The following AP3S1 variants were observed in gnomAD, a reference collection of about 807,000 sequenced individuals.
AP3S1 encodes AP-3 complex subunit sigma-1.
A neutral mutation model predicts 21.3 loss-of-function variants in AP3S1; 12 were observed. The ratio of observed to expected loss-of-function variants is 0.56; its 90% CI spans 0.36 to 0.91. The LOEUF is 0.91. Ranked by LOEUF, AP3S1 falls within the 40% of genes least tolerant of loss-of-function variation. AP3S1 has a pLI of 0.01. For synonymous variants in AP3S1, 48 were observed against 78.4 expected (o/e 0.61, Z 2.05); for missense variants, 116 against 225.0 (o/e 0.52, Z 3.10).
intron 3 of AP3S1, among the ~76,000 whole-genome samples, chr5:115,885,751 T>C (rs942774726): frequency 6.6e-6 from 1 of 152,230 alleles, no homozygotes; most frequent in African/African-American, 2.4e-5. Flanking sequence ...ATCACCGTGT[T>C]GAATACTTTT....
intron 4 of AP3S1, among the ~76,000 whole-genome samples, chr5:115,898,228 G>T (rs527644178): frequency 1.3e-5 from 2 of 152,304 alleles, no homozygotes; most frequent in South Asian, 4.1e-4. Flanking sequence ...ATTGTACCAA[G>T]TATTTTGCCA....
rs1749686546 is a variant in AP3S1 at position 115,885,334 on chromosome 5, A to C, written c.274-9753A>C. ...CAGTAGTGGCTCAGTCCGAGTCCAAAAGCCTCAAAAACAGGGAAGCCAACA... is the reference window on the plus strand; with the variant it reads ...CAGTAGTGGCTCAGTCCGAGTCCAACAGCCTCAAAAACAGGGAAGCCAACA... On this transcript the variant is annotated intron_variant, in intron 3 of 5. Transcript: ENST00000316788. Among the ~76,000 whole-genome samples the C allele has an allele frequency of 2.0e-5, 3 of 152,284 alleles. No individual in the cohort carries two copies. In the South Asian group the frequency reaches 6.2e-4, roughly 32 times the overall value.
At chr5:115,907,093 G>A in intron 5 of AP3S1, 13 of 791,830 alleles carry the variant, frequency 1.6e-5, no homozygotes, top group Non-Finnish European at 2.0e-5. Flanking sequence ...TTGTCTGCCT[G>A]CATTGTAAAA....
intron 1 of AP3S1, among the ~76,000 whole-genome samples, chr5:115,863,628 G>A (rs1477027204): frequency 6.6e-6 from 1 of 152,130 alleles, no homozygotes. Flanking sequence ...ATGCCAGTGT[G>A]TGAGAAAACT....
intron 1 of AP3S1, among the ~76,000 whole-genome samples, chr5:115,857,839 T>G (rs1367341519): frequency 6.6e-6 from 1 of 152,238 alleles, no homozygotes; most frequent in East Asian, 1.9e-4. Context: ...TTACGTTAAT[T>G]TATTATGTAA....
In AP3S1 at chr5:115,902,927, T is replaced by C. The variant is rs762820704; in HGVS notation, c.388T>C (p.Leu130=). 1.4e-5 allele frequency: 23 copies of C among 1,613,592 alleles called. No homozygotes were observed. The Middle Eastern group carries it at 5.1e-4, about 36-fold the overall frequency. The stretch of plus-strand genomic sequence containing the variant: ...AGAAATGGTGATGGGGGGAATGGTA[T>C]TGGAGACAAATATGAATGAGATTGT... ...LAEMVMGGMV[L]ETNMNEIVTQ... Residue 130 remains leucine, a synonymous_variant, in exon 5 of 6, where the codon TTG becomes CTG. Transcript: ENST00000316788.
At chr5:115,881,694 C>T (rs1450587956) in intron 3 of AP3S1, among the ~76,000 whole-genome samples, 1 of 152,076 alleles carries the variant, frequency 6.6e-6, no homozygotes, top group Non-Finnish European at 1.5e-5. Flanking sequence ...GGTTGCTTTT[C>T]TCGAGGAGTA....
At chr5:115,874,192 A>G (rs1194998863) in intron 3 of AP3S1, among the ~76,000 whole-genome samples, 3 of 152,094 alleles carry the variant, frequency 2.0e-5, no homozygotes, top group African/African-American at 7.2e-5. Flanking sequence ...AAGTTTGGAA[A>G]AAAGGGGTGG....
chr5:115,903,181 C>G (rs957958255), intron 5 of AP3S1, 189 bp downstream of exon 5: 2 of 423,096 alleles, frequency 4.7e-6, no homozygotes, highest in Non-Finnish European at 8.4e-6. Context: ...TACCCAACAG[C>G]TTTGTGTATT....
intron 1 of AP3S1, among the ~76,000 whole-genome samples, chr5:115,858,075 G>T (rs1762919360): frequency 6.6e-6 from 1 of 152,146 alleles, no homozygotes; most frequent in Non-Finnish European, 1.5e-5. Context: ...CAGACCAGTT[G>T]TATGGCAGTC....
chr5:115,864,243 G>T (rs1362145125), intron 1 of AP3S1, among the ~76,000 whole-genome samples: 3 of 152,178 alleles, frequency 2.0e-5, no homozygotes, highest in African/African-American at 7.2e-5. Flanking sequence ...CCCTTTTCTG[G>T]ATTGAGTCCA....
intron 1 of AP3S1, among the ~76,000 whole-genome samples, chr5:115,842,331 C>A (rs1486140521): frequency 2.0e-5 from 3 of 152,296 alleles, no homozygotes; most frequent in South Asian, 2.1e-4. Context: ...GCGGTTCCTC[C>A]GCCCGTCGGT....
intron 5 of AP3S1, among the ~76,000 whole-genome samples, chr5:115,909,519 A>G (rs1205281910): frequency 6.6e-6 from 1 of 152,130 alleles, no homozygotes; most frequent in East Asian, 1.9e-4. Context: ...TATATACTGT[A>G]CTTCATTCTT....
chr5:115,843,395 T>C, intron 1 of AP3S1, among the ~76,000 whole-genome samples: 1 of 152,238 alleles, frequency 6.6e-6, no homozygotes, highest in East Asian at 1.9e-4. Flanking sequence ...TTTTTTTCAG[T>C]TGTTTTGCTT....
chr5:115,911,950 G>A (rs1478438661), intron 5 of AP3S1: 1 of 151,844 alleles, frequency 6.6e-6, no homozygotes, highest in Non-Finnish European at 1.5e-5. Context: ...TTATTCATTT[G>A]TATCACTCTT....
In AP3S1 at chr5:115,844,100, T is replaced by A. The variant is rs76756978; in HGVS notation, c.69+1994T>A. Among the ~76,000 whole-genome samples the A allele has an allele frequency of 2.0e-3, 308 of 152,368 alleles. 3 individuals are homozygous for A. Among genetic ancestry groups the A allele is most frequent in the Admixed American group, 3.4e-3 (52 of 15,306 alleles). On this transcript the variant is annotated intron_variant, in intron 1 of 5. Transcript: ENST00000316788. ...TTGGGTTTTGCCGAGTGTTTTTTTG[T>A]CTTTCAGGAATAATTTAAGATTATT...
chr5:115,868,450 GTATC>G (rs1402221715), intron 2 of AP3S1, among the ~76,000 whole-genome samples: 1 of 152,138 alleles, frequency 6.6e-6, no homozygotes, highest in Non-Finnish European at 1.5e-5. Flanking sequence ...CTCTAGAAGA[GTATC>G]TAGCATAGTA....
intron 4 of AP3S1, among the ~76,000 whole-genome samples, chr5:115,899,324 G>A (rs1011904736): frequency 6.6e-6 from 1 of 152,186 alleles, no homozygotes; most frequent in East Asian, 1.9e-4. Flanking sequence ...CCTGAGCACA[G>A]TAAGCCAATA....
intron 1 of AP3S1, among the ~76,000 whole-genome samples, chr5:115,858,929 AATTT>A (rs1217352262): frequency 2.0e-5 from 3 of 150,868 alleles, no homozygotes; most frequent in Admixed American, 1.3e-4. Flanking sequence ...TTTTTAAAAA[AATTT>A]ATTTATTTTT....
Sources: gnomAD v4.1 joint callset for allele counts (sites outside exome capture counted in the v4.1 genomes callset) on GRCh38, gnomAD v4.1.1 for gene constraint, MANE v1.5 for transcripts, NCBI Gene and HGNC (gene_info 2026-07-23, HGNC 2026-07-21) for gene names.